Variants in LPP observed in about 807,000 individuals in gnomAD.
LPP encodes the protein LIM domain containing preferred translocation partner in lipoma, also known as lipoma-preferred partner.
LPP carries 38 observed loss-of-function variants against 60.4 expected under a neutral mutation model. The ratio of observed to expected loss-of-function variants is 0.63; its 90% CI spans 0.49 to 0.83. The LOEUF (loss-of-function observed/expected upper bound fraction) is 0.83, where lower values mean the gene tolerates loss of function less well. LPP is among the 40% of genes least tolerant of loss of function. The probability of loss-of-function intolerance (pLI) is 0.00; values close to 1 mark genes in which losing one functional copy is unlikely to be tolerated. For synonymous variants in LPP, 328 were observed against 290.8 expected (o/e 1.13, Z -1.30); for missense variants, 902 against 783.6 (o/e 1.15, Z -1.80).
chr3:188,439,030 T>C (rs948506150), intron 4 of LPP, among the ~76,000 whole-genome samples: 8 of 152,190 alleles, frequency 5.3e-5, no homozygotes, highest in African/African-American at 1.4e-4. Context: ...AAAATCTTAG[T>C]ATAGGATTAA....
intron 2 of LPP, among the ~76,000 whole-genome samples, chr3:188,303,305 C>CCACA (rs1750520489): frequency 6.6e-6 from 1 of 152,200 alleles, no homozygotes; most frequent in East Asian, 1.9e-4. Context: ...GGTCTGCGTG[C>CCACA]CACAGGTTGC....
At chr3:188,466,286 T>C (rs1456913166) in intron 4 of LPP, among the ~76,000 whole-genome samples, 1 of 152,170 alleles carries the variant, frequency 6.6e-6, no homozygotes, top group East Asian at 1.9e-4. Context: ...TTTTAAGTAA[T>C]GTGCCTGGAA....
At chr3:188,442,477 C>T (rs1578925160) in intron 4 of LPP, among the ~76,000 whole-genome samples, 1 of 152,204 alleles carries the variant, frequency 6.6e-6, no homozygotes, top group South Asian at 2.1e-4. Context: ...GTTCTCATCA[C>T]TGACGTAGCT....
intron 3 of LPP, among the ~76,000 whole-genome samples, chr3:188,368,518 G>A (rs1359028444): frequency 6.6e-6 from 1 of 152,018 alleles, no homozygotes; most frequent in African/African-American, 2.4e-5. Context: ...ATCTTTCCAA[G>A]TCTTTTTATT....
chr3:188,423,173 C>G (rs1788326996), intron 4 of LPP, among the ~76,000 whole-genome samples: 1 of 151,998 alleles, frequency 6.6e-6, no homozygotes, highest in Non-Finnish European at 1.5e-5. Flanking sequence ...CTGTTCAGCT[C>G]CCACTTATGA....
chr3:188,337,955 T>A (rs1762108376), intron 2 of LPP, among the ~76,000 whole-genome samples: 1 of 152,254 alleles, frequency 6.6e-6, no homozygotes, highest in Non-Finnish European at 1.5e-5. Context: ...AAGCTACTTA[T>A]ATTTCTGCTC....
At position 188,872,742 on chromosome 3, in the gene LPP, T is replaced by C. The variant is rs772621485; in HGVS notation, c.1689T>C (p.His563=). The part of the protein sequence containing the change: ...VRIVALDRDF[H]VHCYRCEDCG... ...TTGTGGCTTTGGATCGAGATTTCCA[T>C]GTTCACTGCTACCGATGCGAGGTCT... is the stretch of plus-strand genomic sequence containing the variant. The change falls in exon 11 of 12, where the codon CAT becomes CAC. Residue 563 remains histidine (H), a synonymous_variant. Transcript: ENST00000617246. The C allele has an allele frequency of 1.1e-5, 17 of 1,614,154 alleles. No homozygotes were observed. Among genetic ancestry groups the C allele is most frequent in the Non-Finnish European group, 7.6e-6 (9 of 1,180,022 alleles).
intron 3 of LPP, among the ~76,000 whole-genome samples, chr3:188,348,265 G>A (rs1213867798): frequency 1.3e-5 from 2 of 151,982 alleles, no homozygotes; most frequent in Admixed American, 6.6e-5. Context: ...TCCTGCTTCA[G>A]CCTCTGTAGT....
At chr3:188,334,665 G>A (rs530348181) in intron 2 of LPP, among the ~76,000 whole-genome samples, 37 of 152,120 alleles carry the variant, frequency 2.4e-4, no homozygotes, top group South Asian at 1.2e-3. Flanking sequence ...TCTTGACCTC[G>A]TGATCCGCCC....
intron 4 of LPP, among the ~76,000 whole-genome samples, chr3:188,461,990 C>T (rs1387619002): frequency 1.3e-5 from 2 of 151,918 alleles, no homozygotes; most frequent in East Asian, 3.9e-4. Context: ...TGATATTTAC[C>T]AAATTTTAAT....
At chr3:188,743,977 T>C (rs1725296095) in intron 8 of LPP, among the ~76,000 whole-genome samples, 1 of 152,160 alleles carries the variant, frequency 6.6e-6, no homozygotes, top group African/African-American at 2.4e-5. Context: ...GAGGGGCATT[T>C]GCATTGTAGT....
At chr3:188,756,481 C>T (rs1348794075) in intron 8 of LPP, among the ~76,000 whole-genome samples, 1 of 152,112 alleles carries the variant, frequency 6.6e-6, no homozygotes, top group Non-Finnish European at 1.5e-5. Flanking sequence ...TGCTGAGATA[C>T]TTGTCTAAAA....
intron 8 of LPP, among the ~76,000 whole-genome samples, chr3:188,717,381 A>G (rs778627971): frequency 6.6e-6 from 1 of 152,236 alleles, no homozygotes; most frequent in African/African-American, 2.4e-5. Context: ...TTGTGTTATT[A>G]TGTGACAAGA....
chr3:188,356,020 C>T (rs1767503524), intron 3 of LPP, among the ~76,000 whole-genome samples: 1 of 152,124 alleles, frequency 6.6e-6, no homozygotes, highest in Non-Finnish European at 1.5e-5. Context: ...TGGATAGTAG[C>T]TTAAAAAATT....
In LPP at chr3:188,772,269, C is replaced by A. The variant is rs549707252; in HGVS notation, c.1410+11987C>A. Among the ~76,000 whole-genome samples, 172 of 152,142 alleles carry A rather than the reference C, an allele frequency of 1.1e-3. 1 individual carries two copies. Among genetic ancestry groups the A allele is most frequent in the Non-Finnish European group, 1.4e-3 (94 of 68,028 alleles). On this transcript the variant is annotated intron_variant, in intron 9 of 11. Transcript: ENST00000617246. The stretch of plus-strand genomic sequence containing the variant: ...TATTCCCATGCCATTGGTTGCCTAC[C>A]TTCTGCCTTTTCCGATCTCCAGCCT...
chr3:188,706,253 G>C (rs1419314426), intron 7 of LPP, among the ~76,000 whole-genome samples: 1 of 152,120 alleles, frequency 6.6e-6, no homozygotes, highest in Admixed American at 6.6e-5. Flanking sequence ...TTTTTGGGGG[G>C]CTCTCAGTTT....
intron 7 of LPP, among the ~76,000 whole-genome samples, chr3:188,635,757 C>G (rs1409238332): frequency 6.6e-6 from 1 of 152,150 alleles, no homozygotes; most frequent in African/African-American, 2.4e-5. Context: ...TATTCCTTAA[C>G]TTAGCACTTC....
At chr3:188,582,962 A>G (rs1836596079) in intron 6 of LPP, among the ~76,000 whole-genome samples, 1 of 152,162 alleles carries the variant, frequency 6.6e-6, no homozygotes, top group African/African-American at 2.4e-5. Flanking sequence ...ATATCCCCCT[A>G]ACGGGTTTCC....
intron 3 of LPP, among the ~76,000 whole-genome samples, chr3:188,373,809 T>C (rs570313099): frequency 2.5e-3 from 384 of 152,038 alleles, no homozygotes; most frequent in Non-Finnish European, 4.5e-3. Flanking sequence ...TGGTATTGCC[T>C]AGGTTTTCTT....
Sources: allele counts gnomAD v4.1 joint callset (sites outside exome capture counted in the v4.1 genomes callset), GRCh38; gene constraint gnomAD v4.1.1; transcripts MANE v1.5; gene names NCBI Gene and HGNC (gene_info 2026-07-23, HGNC 2026-07-21).